CDYL2: variants seen among roughly 807,000 people sequenced by gnomAD.
CDYL2 encodes the protein chromodomain Y-like protein 2.
A neutral mutation model predicts 49.4 loss-of-function variants in CDYL2; 23 were observed. The observed-to-expected ratio is 0.47, with a 90% CI of 0.34 to 0.66. The LOEUF is 0.66. Ranked by LOEUF, CDYL2 falls within the 30% of genes least tolerant of loss-of-function variation. CDYL2 has a pLI of 0.01. For missense variants in CDYL2, 678 were observed against 656.4 expected (o/e 1.03, Z -0.36); for synonymous variants, 360 against 268.8 (o/e 1.34, Z -3.32).
chr16:80,677,809 C>A (rs1909816772), intron 2 of CDYL2, among the ~76,000 whole-genome samples: 1 of 151,496 alleles, frequency 6.6e-6, no homozygotes, highest in Non-Finnish European at 1.5e-5. Context: ...CCAAGTCAAT[C>A]CTAAGCCAAA....
intron 1 of CDYL2, among the ~76,000 whole-genome samples, chr16:80,699,959 C>G (rs1904292435): frequency 6.6e-6 from 1 of 152,154 alleles, no homozygotes; most frequent in African/African-American, 2.4e-5. Context: ...GCCCCGCCTC[C>G]CTGATTCACA....
At chr16:80,659,099 G>A (rs1191163732) in intron 2 of CDYL2, among the ~76,000 whole-genome samples, 3 of 142,056 alleles carry the variant, frequency 2.1e-5, no homozygotes, top group Non-Finnish European at 3.0e-5. Context: ...ATGGATGGAT[G>A]GACAGACGGA....
At chr16:80,791,797 T>C (rs1207845480) in intron 1 of CDYL2, among the ~76,000 whole-genome samples, 1 of 152,190 alleles carries the variant, frequency 6.6e-6, no homozygotes, top group African/African-American at 2.4e-5. Context: ...AAAGCTTATA[T>C]ATCACTTAAA....
At chr16:80,617,531 C>G (rs937708864) in intron 4 of CDYL2, among the ~76,000 whole-genome samples, 1 of 152,184 alleles carries the variant, frequency 6.6e-6, no homozygotes, top group African/African-American at 2.4e-5. Flanking sequence ...ACGTTCTGTG[C>G]AGAATGCTTC....
chr16:80,616,251 G>C (rs986444601), intron 4 of CDYL2, among the ~76,000 whole-genome samples: 4 of 152,188 alleles, frequency 2.6e-5, no homozygotes, highest in African/African-American at 9.7e-5. Flanking sequence ...GAAAATCAAT[G>C]ATGTTGCCCC....
chr16:80,716,526 G>C (rs1904806036), intron 1 of CDYL2, among the ~76,000 whole-genome samples: 1 of 151,918 alleles, frequency 6.6e-6, no homozygotes. Flanking sequence ...ATAAATGGAT[G>C]ACTGGATGAA....
rs57602764 is a variant in CDYL2 at position 80,658,270 on chromosome 16, A to T, written c.617-25034T>A. 9.2e-3 allele frequency among the ~76,000 whole-genome samples: 1,400 copies of T among 152,284 alleles called. 23 individuals are homozygous for T. The highest frequency in any genetic ancestry group is 0.032 in the African/African-American group (1,334 of 41,554). ...TGGAAGTATGTTAAAACATGTTAAG[A>T]TATAAAATAAAAGCAATAAAGATGG... On this transcript the variant is annotated intron_variant, in intron 2 of 6. Coordinates refer to ENST00000570137, the MANE Select transcript of CDYL2 (RefSeq NM_152342.4).
intron 3 of CDYL2, among the ~76,000 whole-genome samples, chr16:80,623,423 G>A (rs367877138): frequency 2.7e-4 from 41 of 151,420 alleles, no homozygotes; most frequent in African/African-American, 9.5e-4. Context: ...AGATGTCCCC[G>A]TTTATATACT....
intron 2 of CDYL2, among the ~76,000 whole-genome samples, chr16:80,682,995 C>T (rs1379989296): frequency 3.9e-5 from 6 of 152,166 alleles, no homozygotes; most frequent in Non-Finnish European, 7.4e-5. Flanking sequence ...AGCCTCAACA[C>T]GGATTGCTCA....
intron 1 of CDYL2, among the ~76,000 whole-genome samples, chr16:80,750,802 G>A (rs533254590): frequency 2.6e-5 from 4 of 152,130 alleles, no homozygotes; most frequent in Non-Finnish European, 4.4e-5. Flanking sequence ...GGCGGATCAC[G>A]AGCTCAGGAG....
chr16:80,684,073 C>T lies in CDYL2; in HGVS notation c.616+465G>A, dbSNP rs752034539. 9.2e-5 allele frequency among the ~76,000 whole-genome samples: 14 copies of T among 152,300 alleles called. No homozygotes were observed. The South Asian group carries it at 2.1e-3, about 23-fold the overall frequency. On this transcript the variant is annotated intron_variant, in intron 2 of 6. Transcript: ENST00000570137. ...CAAGTCCACACTGTGTCTGAGAAGACGGCACGGACCCCAACCCAGACCCTA... is the reference window on the plus strand; with the variant it reads ...CAAGTCCACACTGTGTCTGAGAAGATGGCACGGACCCCAACCCAGACCCTA...
At chr16:80,685,993 G>C (rs1241568046) in intron 1 of CDYL2, among the ~76,000 whole-genome samples, 2 of 152,308 alleles carry the variant, frequency 1.3e-5, no homozygotes, top group East Asian at 1.9e-4. Flanking sequence ...CATTTGCTGA[G>C]TACCTACTAT....
intron 1 of CDYL2, among the ~76,000 whole-genome samples, chr16:80,690,700 C>A (rs1334243514): frequency 1.3e-5 from 2 of 152,132 alleles, no homozygotes; most frequent in Admixed American, 6.5e-5. Context: ...TCAGGCTCTT[C>A]CCCTCAACTC....
chr16:80,757,391 T>G (rs1906347001), intron 1 of CDYL2, among the ~76,000 whole-genome samples: 1 of 151,858 alleles, frequency 6.6e-6, no homozygotes. Context: ...TACTTAAAAA[T>G]TAGTTGTGTG....
chr16:80,772,384 G>C (rs1228454072), intron 1 of CDYL2, among the ~76,000 whole-genome samples: 2 of 152,168 alleles, frequency 1.3e-5, no homozygotes, highest in Non-Finnish European at 2.9e-5. Flanking sequence ...CAGCACTTAA[G>C]ACAAATGTGG....
chr16:80,683,775 C>G (rs1910063191), intron 2 of CDYL2, among the ~76,000 whole-genome samples: 1 of 152,196 alleles, frequency 6.6e-6, no homozygotes, highest in Non-Finnish European at 1.5e-5. Flanking sequence ...TGGGCGCTGC[C>G]TTGCCCCTTC....
intron 2 of CDYL2, among the ~76,000 whole-genome samples, chr16:80,659,106 CGGAT>C (rs201620836): frequency 0.019 from 2,688 of 143,756 alleles, 43 homozygotes; most frequent in Middle Eastern, 0.031. Flanking sequence ...GATGGACAGA[CGGAT>C]GGATGGATGA....
At chr16:80,713,477 A>G (rs1904689513) in intron 1 of CDYL2, among the ~76,000 whole-genome samples, 1 of 152,122 alleles carries the variant, frequency 6.6e-6, no homozygotes. Flanking sequence ...TGGGATATTA[A>G]AGCTTAGCCC....
intron 1 of CDYL2, among the ~76,000 whole-genome samples, chr16:80,728,728 A>C (rs1197207624): frequency 6.6e-6 from 1 of 152,274 alleles, no homozygotes; most frequent in Admixed American, 6.5e-5. Flanking sequence ...AGGGAAGCCC[A>C]TCAGACTAAC....
Sources: gnomAD v4.1 joint callset for allele counts (sites outside exome capture counted in the v4.1 genomes callset) on GRCh38, gnomAD v4.1.1 for gene constraint, MANE v1.5 for transcripts, NCBI Gene and HGNC (gene_info 2026-07-23, HGNC 2026-07-21) for gene names.